CAMSAP1: variants seen among roughly 807,000 people sequenced by gnomAD.
CAMSAP1 encodes the protein calmodulin regulated spectrin associated protein 1, also known as calmodulin-regulated spectrin-associated protein 1.
Under a neutral mutation model 143.5 loss-of-function variants are expected in CAMSAP1, and 58 were observed. The observed-to-expected ratio is 0.40, with a 90% confidence interval of 0.33 to 0.50. CAMSAP1 has a LOEUF of 0.50. CAMSAP1 is among the 20% of genes least tolerant of loss of function. CAMSAP1 has a pLI of 0.45. For synonymous variants in CAMSAP1, 945 were observed against 859.3 expected, an observed-to-expected ratio of 1.10 and a Z score of -1.74; for missense variants, 1,969 against 2,115.7, an observed-to-expected ratio of 0.93 and a Z score of 1.36.
intron 14 of CAMSAP1, among the ~76,000 whole-genome samples, chr9:135,817,014 C>T (rs1307188220): frequency 6.6e-6 from 1 of 152,102 alleles, no homozygotes; most frequent in East Asian, 1.9e-4. Flanking sequence ...ATCAGCAGCG[C>T]GAGGCCTCAG....
chr9:135,838,283 C>G (rs1354732448), intron 7 of CAMSAP1, among the ~76,000 whole-genome samples: 1 of 138,342 alleles, frequency 7.2e-6, no homozygotes, highest in Non-Finnish European at 1.6e-5. Flanking sequence ...TTTCTACCCA[C>G]TGTACAGACA....
chr9:135,884,278 T>C (rs1347177767), intron 1 of CAMSAP1, among the ~76,000 whole-genome samples: 1 of 152,048 alleles, frequency 6.6e-6, no homozygotes, highest in Non-Finnish European at 1.5e-5. Context: ...AACAAACCTG[T>C]CTTGTGTTCC....
At chr9:135,869,892 C>G (rs189368889) in intron 3 of CAMSAP1, among the ~76,000 whole-genome samples, 1 of 152,198 alleles carries the variant, frequency 6.6e-6, no homozygotes, top group East Asian at 1.9e-4. Context: ...ACAGAAGAAC[C>G]CTGGAAACAT....
At position 135,821,488 on chromosome 9, in the gene CAMSAP1, G is replaced by A. The variant is rs1174394678; in HGVS notation, c.3173C>T (p.Pro1058Leu). The A allele has an allele frequency of 6.2e-7, 1 of 1,613,956 alleles. No homozygotes were observed. Among genetic ancestry groups the A allele is most frequent in the South Asian group, 1.1e-5 (1 of 91,084 alleles). The change falls in exon 11 of 17, where the codon CCA (proline) becomes CTA (leucine). Residue 1058 changes from proline (P) to leucine (L), a missense_variant. Physicochemically the swap from Pro to Leu is moderately conservative, Grantham distance 98. Transcript: ENST00000389532. This position sits in a 1 kb window ranked among gnomAD's most constrained non-coding sequence, Gnocchi z 4.6. ...LLMKSPTVPV[P>L]GSKNNSQDHK... is the part of the protein sequence containing the mutation. ...GTCCTGCGAGTTATTCTTAGAGCCT[G>A]GCACTGGGACTGTGGGGGACTTCAT...
intron 5 of CAMSAP1, among the ~76,000 whole-genome samples, chr9:135,851,351 C>T (rs1836778025): frequency 6.6e-6 from 1 of 152,198 alleles, no homozygotes; most frequent in African/African-American, 2.4e-5. Context: ...CATCCAGAGT[C>T]GTTCATGAAC....
At chr9:135,856,171 C>G (rs1275090531) in intron 5 of CAMSAP1, among the ~76,000 whole-genome samples, 4 of 152,178 alleles carry the variant, frequency 2.6e-5, no homozygotes, top group Non-Finnish European at 1.5e-5. Context: ...AAAGACATAC[C>G]TGAGACTGGG....
chr9:135,827,810 G>C (rs3824354), intron 7 of CAMSAP1, among the ~76,000 whole-genome samples: 15,125 of 152,228 alleles, frequency 0.099, 980 homozygotes, highest in East Asian at 0.35. Context: ...ATGAGAAGAA[G>C]AACTGAGAGG....
At chr9:135,888,283 G>A (rs1011533033) in intron 1 of CAMSAP1, among the ~76,000 whole-genome samples, 15 of 152,240 alleles carry the variant, frequency 9.9e-5, no homozygotes, top group Non-Finnish European at 1.6e-4. Context: ...ACTGCAATGA[G>A]GATGAAAAGG....
rs190889122 is a variant in CAMSAP1, at chr9:135,903,258, T to C, written c.160+3742A>G. Among the ~76,000 whole-genome samples, 32 of 152,354 alleles carry C rather than the reference T, an allele frequency of 2.1e-4. No homozygotes were observed. The Middle Eastern group carries it at 0.01, about 49-fold the overall frequency. On this transcript the variant is annotated intron_variant, in intron 1 of 16. Coordinates refer to ENST00000389532, the MANE Select transcript of CAMSAP1 (RefSeq NM_015447.4). Reference sequence around the variant, plus strand: ...TTCACTCAAACATCACCACAAAATGTGATGACTAGTCAGGTTCTGCACCTT... The same window carrying C: ...TTCACTCAAACATCACCACAAAATGCGATGACTAGTCAGGTTCTGCACCTT...
chr9:135,856,377 G>A (rs1381960592), intron 5 of CAMSAP1, among the ~76,000 whole-genome samples: 1 of 152,144 alleles, frequency 6.6e-6, no homozygotes, highest in African/African-American at 2.4e-5. Context: ...GAACAGTATG[G>A]GGGAAACTGC....
rs1295713193 is a variant in CAMSAP1, at chr9:135,881,665, G to A, written c.553C>T (p.Leu185Phe). 3 of 1,551,606 alleles carry A rather than the reference G, an allele frequency of 1.9e-6. No homozygotes were observed. The highest frequency in any genetic ancestry group is 3.9e-5 in the Admixed American group (2 of 50,982). ...ATCCAGAACACCATGGCATCCTCGA[G>A]GTCGTACGGAAGTTCTTTCGAGGCA... The part of the protein sequence containing the change: ...FSASKELPYD[L>F]EDAMVFWINK... Residue 185 changes from leucine (L) to phenylalanine (F), a missense_variant, in exon 3 of 17, where the codon CTC (leucine) becomes TTC (phenylalanine). Leu to Phe is a conservative substitution (Grantham distance 22). Coordinates refer to ENST00000389532, the MANE Select transcript of CAMSAP1 (RefSeq NM_015447.4).
At chr9:135,848,316 C>T (rs1218112748) in intron 7 of CAMSAP1, among the ~76,000 whole-genome samples, 3 of 151,972 alleles carry the variant, frequency 2.0e-5, no homozygotes, top group African/African-American at 4.8e-5. Context: ...AGCTTTTTGT[C>T]GTTATTCTTT....
At chr9:135,906,906 G>A (rs1588519195) in intron 1 of CAMSAP1, 94 bp downstream of exon 1, 11 of 761,108 alleles carry the variant, frequency 1.4e-5, no homozygotes, top group African/African-American at 3.8e-5. Context: ...ACAAAGGCGC[G>A]GCGCGCGGAC....
At chr9:135,830,665 A>T (rs970076946) in intron 7 of CAMSAP1, among the ~76,000 whole-genome samples, 1 of 152,240 alleles carries the variant, frequency 6.6e-6, no homozygotes, top group African/African-American at 2.4e-5. Context: ...AAAGAACAGC[A>T]GGCTTACACA....
At chr9:135,840,407 G>GC (rs1476726709) in intron 7 of CAMSAP1, among the ~76,000 whole-genome samples, 1 of 152,194 alleles carries the variant, frequency 6.6e-6, no homozygotes, top group Non-Finnish European at 1.5e-5. Flanking sequence ...AAGAAGAGGA[G>GC]CCCCGCAAGA....
chr9:135,822,051 G>A lies in CAMSAP1; in HGVS notation c.2610C>T (p.Pro870=), dbSNP rs764474828. The change falls in exon 11 of 17, where the codon CCC becomes CCT. Residue 870 remains proline, a synonymous_variant. Transcript: ENST00000389532. The surrounding 1 kb of genome is among the most constrained non-coding windows in gnomAD (Gnocchi z 6.1). ...EQSPSQHGKD[P]ASLLASELVQ... ...CCAGCTCAGATGCCAGGAGGCTGGCGGGATCCTTGCCATGCTGGCTCGGAC... is the reference window on the plus strand; with the variant it reads ...CCAGCTCAGATGCCAGGAGGCTGGCAGGATCCTTGCCATGCTGGCTCGGAC... 1.4e-5 allele frequency: 23 copies of A among 1,612,434 alleles called. No homozygotes were observed. The highest frequency in any genetic ancestry group is 4.5e-5 in the East Asian group (2 of 44,852).
chr9:135,907,537 G>A lies in CAMSAP1; in HGVS notation c.-378C>T, dbSNP rs1421673829. On this transcript the variant is annotated 5_prime_UTR_variant, in exon 1 of 17. Transcript: ENST00000389532. The stretch of plus-strand genomic sequence containing the variant: ...GGCTGAGGCGGTGGCCAAGGAGCGG[G>A]AGCGCGCTCACCGCCGGGGCCTCGC... Among the ~76,000 whole-genome samples the A allele has an allele frequency of 1.3e-5, 2 of 149,760 alleles. No individual in the cohort carries two copies. The highest frequency in any genetic ancestry group is 4.9e-5 in the African/African-American group (2 of 41,140).
chr9:135,871,643 G>A (rs1387773521), intron 3 of CAMSAP1, among the ~76,000 whole-genome samples: 3 of 151,966 alleles, frequency 2.0e-5, no homozygotes, highest in Non-Finnish European at 4.4e-5. Flanking sequence ...TTCTTTACAA[G>A]TTCAGCAGGA....
chr9:135,857,254 C>T (rs1837012234), intron 5 of CAMSAP1, among the ~76,000 whole-genome samples: 1 of 152,186 alleles, frequency 6.6e-6, no homozygotes. Context: ...TCTTCTCTTT[C>T]TTCGTAGACT....
Sources: gnomAD v4.1 joint callset for allele counts (sites outside exome capture counted in the v4.1 genomes callset) on GRCh38, gnomAD v4.1.1 for gene constraint, Gnocchi (gnomAD v3.1) non-coding constraint, MANE v1.5 for transcripts, NCBI Gene and HGNC (gene_info 2026-07-23, HGNC 2026-07-21) for gene names.